PRKAR1B: variants seen among roughly 807,000 people sequenced by gnomAD.
PRKAR1B encodes the protein cAMP-dependent protein kinase type I-beta regulatory subunit.
In PRKAR1B, 22 loss-of-function variants were observed where a neutral mutation model predicts 46.5. The ratio of observed to expected loss-of-function variants is 0.47; its 90% confidence interval spans 0.34 to 0.68. The LOEUF is 0.68. Ranked by LOEUF, PRKAR1B falls within the 30% of genes least tolerant of loss-of-function variation. The probability of loss-of-function intolerance (pLI) is 0.01; values close to 1 mark genes in which losing one functional copy is unlikely to be tolerated. For synonymous variants in PRKAR1B, 259 were observed against 217.7 expected (o/e 1.19, Z -1.67); for missense variants, 445 against 535.6 (o/e 0.83, Z 1.67).
At chr7:558,213 C>T (rs1583198341) in intron 9 of PRKAR1B, among the ~76,000 whole-genome samples, 1 of 150,804 alleles carries the variant, frequency 6.6e-6, no homozygotes, top group African/African-American at 2.4e-5. Flanking sequence ...GTGGTCCCAG[C>T]TACTCAGGAG....
At chr7:595,779 G>A (rs1163032883) in intron 7 of PRKAR1B, among the ~76,000 whole-genome samples, 1 of 152,226 alleles carries the variant, frequency 6.6e-6, no homozygotes, top group Non-Finnish European at 1.5e-5. Context: ...TGGGTGAGCA[G>A]CCACCGTGTC....
intron 2 of PRKAR1B, among the ~76,000 whole-genome samples, chr7:688,510 G>A (rs1193821108): frequency 5.3e-5 from 8 of 152,162 alleles, no homozygotes; most frequent in Non-Finnish European, 1.5e-5. Flanking sequence ...AGCCAGCAAG[G>A]CCCTGCGTGA....
Position 680,701 on chromosome 7 carries a change from C to A in PRKAR1B, c.203G>T (p.Arg68Leu), listed in dbSNP as rs140110814. 1 of 1,613,898 alleles carries A rather than the reference C, an allele frequency of 6.2e-7. No individual in the cohort carries two copies. The change falls in exon 3 of 11, where the codon CGG (arginine) becomes CTG (leucine). Residue 68 changes from arginine (R) to leucine (L), a missense_variant. Physicochemically the swap from Arg to Leu is moderately radical, Grantham distance 102. Transcript: ENST00000537384. ...GTCCGACTGTGAGTTTGACTTTTGC[C>A]GCGCCAAAATCTGCCTGTTTTCTTC... Reference protein sequence around the residue: ...EKEENRQILARQKSNSQSDSH... With the variant: ...EKEENRQILALQKSNSQSDSH...
At chr7:586,920 G>C (rs1780635460) in intron 7 of PRKAR1B, among the ~76,000 whole-genome samples, 1 of 135,514 alleles carries the variant, frequency 7.4e-6, no homozygotes, top group Non-Finnish European at 1.5e-5. Flanking sequence ...GTCTCACTCT[G>C]TTGCCCAGGC....
chr7:612,725 G>A (rs939800620), intron 4 of PRKAR1B, among the ~76,000 whole-genome samples: 2 of 152,070 alleles, frequency 1.3e-5, no homozygotes, highest in Admixed American at 1.3e-4. Context: ...GCCACCCTTG[G>A]GACCCTCAGT....
At chr7:569,338 C>T (rs976861277) in intron 9 of PRKAR1B, among the ~76,000 whole-genome samples, 7 of 152,222 alleles carry the variant, frequency 4.6e-5, no homozygotes, top group Admixed American at 3.3e-4. Context: ...AACTCACTTA[C>T]GCTGAAAGGC....
At chr7:574,489 G>T (rs1420376834) in intron 9 of PRKAR1B, among the ~76,000 whole-genome samples, 2 of 151,696 alleles carry the variant, frequency 1.3e-5, no homozygotes, top group Non-Finnish European at 2.9e-5. Flanking sequence ...CTGTGGCCCA[G>T]GCTGGAGTAC....
intron 2 of PRKAR1B, among the ~76,000 whole-genome samples, chr7:681,229 A>G (rs578007593): frequency 7.9e-5 from 12 of 151,810 alleles, no homozygotes; most frequent in Non-Finnish European, 1.5e-5. Context: ...CGAGCCATGC[A>G]GAACTGTGAG....
At chr7:647,238 C>T (rs1784662470) in intron 4 of PRKAR1B, among the ~76,000 whole-genome samples, 1 of 152,160 alleles carries the variant, frequency 6.6e-6, no homozygotes, top group Non-Finnish European at 1.5e-5. Flanking sequence ...CCCGTTCTCA[C>T]CCTCCCATGT....
At chr7:588,633 ATGGTGATGG>A (rs1268771711) in intron 7 of PRKAR1B, among the ~76,000 whole-genome samples, 13 of 134,362 alleles carry the variant, frequency 9.7e-5, no homozygotes, top group South Asian at 4.3e-4. Context: ...GATGGTGGTG[ATGGTGATGG>A]TGGTGATGGT....
At chr7:634,085 T>C (rs977750141) in intron 4 of PRKAR1B, among the ~76,000 whole-genome samples, 2 of 152,140 alleles carry the variant, frequency 1.3e-5, no homozygotes, top group African/African-American at 4.8e-5. Flanking sequence ...TGCAATGGTG[T>C]GATCTCAGCT....
At chr7:719,950 A>C (rs1781014409) in intron 1 of PRKAR1B, among the ~76,000 whole-genome samples, 1 of 152,000 alleles carries the variant, frequency 6.6e-6, no homozygotes, top group African/African-American at 2.4e-5. Flanking sequence ...CTTTCTGAGT[A>C]GAATAACTGT....
chr7:583,443 A>ACACACACCCACACTCACACACGTG (rs1562537133), intron 8 of PRKAR1B, among the ~76,000 whole-genome samples: 2 of 59,322 alleles, frequency 3.4e-5, no homozygotes, highest in Admixed American at 1.5e-4. Context: ...CCCACAGTGC[A>ACACACACCCACACTCACACACGTG]CACTCACACC....
intron 6 of PRKAR1B, among the ~76,000 whole-genome samples, chr7:600,507 C>T (rs566346555): frequency 9.8e-5 from 15 of 152,318 alleles, no homozygotes; most frequent in Middle Eastern, 3.4e-3. Context: ...AATTAAAAAA[C>T]GAATTTTAAA....
At chr7:727,982 C>T (rs1026060782), upstream of PRKAR1B, among the ~76,000 whole-genome samples, 1 of 151,776 alleles carries the variant, frequency 6.6e-6, no homozygotes, top group Non-Finnish European at 1.5e-5. Flanking sequence ...GTTGAGGGCA[C>T]GCGCTTTGAG....
intron 3 of PRKAR1B, among the ~76,000 whole-genome samples, chr7:679,253 C>T (rs1355434841): frequency 6.6e-6 from 1 of 151,946 alleles, no homozygotes; most frequent in African/African-American, 2.4e-5. Flanking sequence ...AGACACTGAG[C>T]TCCACACCTA....
chr7:711,613 C>G (rs1040799160), intron 1 of PRKAR1B, 86 bp from the exon 2 acceptor site: 2 of 1,218,978 alleles, frequency 1.6e-6, no homozygotes, highest in Admixed American at 2.3e-5. Context: ...AACCAGGCTT[C>G]TCCCAGGAGC....
intron 2 of PRKAR1B, among the ~76,000 whole-genome samples, chr7:690,358 G>C (rs142014706): frequency 9.6e-4 from 146 of 151,760 alleles, no homozygotes; most frequent in African/African-American, 3.2e-3. Flanking sequence ...TGGGTGCTAT[G>C]CTCACTACCC....
chr7:687,443 A>T (rs1480429942), intron 2 of PRKAR1B, among the ~76,000 whole-genome samples: 1 of 152,224 alleles, frequency 6.6e-6, no homozygotes, highest in Non-Finnish European at 1.5e-5. Context: ...AACTTGGTGG[A>T]TGGGTTTAAC....
Sources: allele counts gnomAD v4.1 joint callset (sites outside exome capture counted in the v4.1 genomes callset), GRCh38; gene constraint gnomAD v4.1.1; transcripts MANE v1.5; gene names NCBI Gene and HGNC (gene_info 2026-07-23, HGNC 2026-07-21).